The following SMYD3 variants were observed in gnomAD, a reference collection of about 807,000 sequenced individuals.
SMYD3 encodes SET and MYND domain containing 3.
In SMYD3, 36 loss-of-function variants were observed where a neutral mutation model predicts 57.7. The observed-to-expected ratio is 0.62, with a 90% CI of 0.48 to 0.82. The LOEUF (loss-of-function observed/expected upper bound fraction) is 0.82. Ranked by LOEUF, SMYD3 falls within the 40% of genes least tolerant of loss-of-function variation. The pLI is 0.00. For synonymous variants in SMYD3, 211 were observed against 195.0 expected (o/e 1.08, Z -0.68); for missense variants, 515 against 538.8 (o/e 0.96, Z 0.44).
At chr1:245,827,848 G>A (rs1266180508) in intron 10 of SMYD3, among the ~76,000 whole-genome samples, 1 of 152,192 alleles carries the variant, frequency 6.6e-6, no homozygotes, top group African/African-American at 2.4e-5. Context: ...GCTAATTAAT[G>A]AGGAGCCGAG....
At chr1:246,199,805 C>T (rs1031855682) in intron 5 of SMYD3, among the ~76,000 whole-genome samples, 3 of 152,240 alleles carry the variant, frequency 2.0e-5, no homozygotes, top group African/African-American at 7.2e-5. Flanking sequence ...CGAGAATGTA[C>T]ACAGACAGCC....
At chr1:246,299,415 A>G (rs2064854648) in intron 5 of SMYD3, among the ~76,000 whole-genome samples, 1 of 152,150 alleles carries the variant, frequency 6.6e-6, no homozygotes, top group Non-Finnish European at 1.5e-5. Context: ...TAGTTCAACC[A>G]TTGTGGAAAA....
Position 246,500,807 on chromosome 1 carries a change from G to A in SMYD3, c.164+6247C>T, listed in dbSNP as rs118091279. 1.9e-3 allele frequency among the ~76,000 whole-genome samples: 295 copies of A among 152,296 alleles called. 9 individuals are homozygous for A. In the East Asian group the frequency reaches 0.042, roughly 22 times the overall value. On this transcript the variant is annotated intron_variant, in intron 1 of 11. Coordinates refer to ENST00000490107, the MANE Select transcript of SMYD3 (RefSeq NM_001167740.2). ...CAGGTCATCCTGTCTGATTAAGAAC[G>A]CCCTCTGCTGTGGCATTCACATGGA...
intron 8 of SMYD3, among the ~76,000 whole-genome samples, chr1:245,888,200 G>A (rs1361477979): frequency 1.3e-5 from 2 of 152,144 alleles, no homozygotes; most frequent in Non-Finnish European, 2.9e-5. Flanking sequence ...TGTCAGTCTA[G>A]GGTCTTAAAT....
chr1:246,467,182 T>TTACAGAC, intron 1 of SMYD3, among the ~76,000 whole-genome samples: 1 of 151,902 alleles, frequency 6.6e-6, no homozygotes, highest in Non-Finnish European at 1.5e-5. Context: ...AAAAAATAAA[T>TTACAGAC]AAATAAAATT....
At chr1:245,885,180 C>T (rs75026524) in intron 8 of SMYD3, among the ~76,000 whole-genome samples, 4,114 of 152,200 alleles carry the variant, frequency 0.027, 189 homozygotes, top group African/African-American at 0.094. Context: ...ATGAACCCAC[C>T]GGAAGGAAGA....
At chr1:246,426,451 TC>T (rs1473327725) in intron 1 of SMYD3, among the ~76,000 whole-genome samples, 1 of 152,196 alleles carries the variant, frequency 6.6e-6, no homozygotes, top group African/African-American at 2.4e-5. Context: ...CAGCCACTAA[TC>T]TACTTTCTGT....
intron 10 of SMYD3, among the ~76,000 whole-genome samples, chr1:245,829,857 G>A (rs1231003094): frequency 6.6e-6 from 1 of 152,088 alleles, no homozygotes; most frequent in East Asian, 1.9e-4. Flanking sequence ...AGTGAAATAA[G>A]TCAGCCACAA....
chr1:245,803,995 C>G (rs536942456), intron 10 of SMYD3, among the ~76,000 whole-genome samples: 6 of 150,566 alleles, frequency 4.0e-5, no homozygotes, highest in African/African-American at 7.3e-5. Context: ...CTCACTGCAA[C>G]CTCCGCCTCC....
chr1:246,100,533 CTGCT>C (rs1558228224), intron 5 of SMYD3, among the ~76,000 whole-genome samples: 1 of 152,200 alleles, frequency 6.6e-6, no homozygotes, highest in African/African-American at 2.4e-5. Flanking sequence ...TCCTCCCTGA[CTGCT>C]TGCTGACGCT....
rs148909525 is a variant in SMYD3, at chr1:246,503,079, C to T, written c.164+3975G>A. Reference sequence around the variant, plus strand: ...GAGCAAAAGGCCTTCTACTGCTGACCGTCCCCTCAACCCATTTAACATCCC... The same window carrying T: ...GAGCAAAAGGCCTTCTACTGCTGACTGTCCCCTCAACCCATTTAACATCCC... On this transcript the variant is annotated intron_variant, in intron 1 of 11. Transcript: ENST00000490107. Among the ~76,000 whole-genome samples the T allele has an allele frequency of 1.2e-3, 186 of 152,232 alleles. 1 individual carries two copies. The highest frequency in any genetic ancestry group is 4.0e-3 in the African/African-American group (168 of 41,504).
chr1:246,340,578 C>T (rs911734003), intron 2 of SMYD3, among the ~76,000 whole-genome samples: 1 of 152,004 alleles, frequency 6.6e-6, no homozygotes, highest in African/African-American at 2.4e-5. Flanking sequence ...TTAGAAGCAT[C>T]TAGGATTTGG....
chr1:246,124,616 A>G (rs1192469022), intron 5 of SMYD3, among the ~76,000 whole-genome samples: 1 of 152,232 alleles, frequency 6.6e-6, no homozygotes, highest in East Asian at 1.9e-4. Context: ...TTCCAACCTA[A>G]TGAGATAGAT....
At chr1:246,207,784 A>C (rs2063024098) in intron 5 of SMYD3, among the ~76,000 whole-genome samples, 1 of 152,160 alleles carries the variant, frequency 6.6e-6, no homozygotes, top group African/African-American at 2.4e-5. Flanking sequence ...TTGCTTAAGA[A>C]AGTTTTCTCA....
intron 5 of SMYD3, among the ~76,000 whole-genome samples, chr1:246,213,580 G>A (rs2063121336): frequency 6.6e-6 from 1 of 152,126 alleles, no homozygotes; most frequent in African/African-American, 2.4e-5. Flanking sequence ...AAGGGCAGGG[G>A]AACACTCAGC....
At chr1:245,930,368 G>C in intron 5 of SMYD3, 1 of 343,360 alleles carries the variant, frequency 2.9e-6, no homozygotes, top group Non-Finnish European at 5.7e-6. Context: ...TTCAGTGATA[G>C]CAACTTGTCT....
intron 5 of SMYD3, among the ~76,000 whole-genome samples, chr1:246,039,008 G>A (rs762628553): frequency 6.6e-5 from 10 of 152,104 alleles, no homozygotes; most frequent in South Asian, 2.1e-4. Flanking sequence ...AAAATTGGCC[G>A]TTCAAGTCTC....
At chr1:246,055,916 G>A (rs570092013) in intron 5 of SMYD3, among the ~76,000 whole-genome samples, 1 of 152,298 alleles carries the variant, frequency 6.6e-6, no homozygotes, top group East Asian at 1.9e-4. Context: ...ATGAAAAAGA[G>A]TTCTGGAGCT....
At chr1:246,055,074 G>A (rs934577301) in intron 5 of SMYD3, among the ~76,000 whole-genome samples, 1 of 152,008 alleles carries the variant, frequency 6.6e-6, no homozygotes, top group Admixed American at 6.6e-5. Context: ...TACTCAGTAG[G>A]CTGAGGCAGG....
Sources: gnomAD v4.1 joint callset for allele counts (sites outside exome capture counted in the v4.1 genomes callset) on GRCh38, gnomAD v4.1.1 for gene constraint, MANE v1.5 for transcripts, NCBI Gene and HGNC (gene_info 2026-07-23, HGNC 2026-07-21) for gene names.